Variants in USP34 observed in about 807,000 individuals in gnomAD.
USP34 encodes the protein ubiquitin specific peptidase 34, also known as ubiquitin carboxyl-terminal hydrolase 34.
USP34 carries 70 observed loss-of-function variants against 460.3 expected under a neutral mutation model. That is an observed-to-expected ratio of 0.15 (90% CI 0.13 to 0.19). The LOEUF is 0.19. Among genes scored for constraint, USP34 ranks in the 10% least tolerant of loss-of-function variants. The pLI, the probability that USP34 is intolerant of heterozygous loss-of-function variation, is 1.00. For synonymous variants in USP34, 1,647 were observed against 1,405.3 expected, an observed-to-expected ratio of 1.17 and a Z score of -3.85; for missense variants, 3,985 against 4,236.2, an observed-to-expected ratio of 0.94 and a Z score of 1.65.
chr2:61,264,176 G>C (rs1039338633), intron 43 of USP34, among the ~76,000 whole-genome samples: 3 of 152,148 alleles, frequency 2.0e-5, no homozygotes, highest in Non-Finnish European at 4.4e-5. Context: ...ATAATGTACA[G>C]AGATAAATTT....
At chr2:61,410,400 A>T (rs1573013618) in intron 2 of USP34, among the ~76,000 whole-genome samples, 2 of 152,184 alleles carry the variant, frequency 1.3e-5, no homozygotes, top group South Asian at 4.1e-4. Context: ...GGTGGAGTTC[A>T]GGTGGTAATG....
intron 41 of USP34, among the ~76,000 whole-genome samples, chr2:61,272,764 C>G (rs930212031): frequency 2.0e-5 from 3 of 152,134 alleles, no homozygotes; most frequent in South Asian, 2.1e-4. Flanking sequence ...AAGACCTTTT[C>G]AATAAAGAAT....
chr2:61,463,371 A>C (rs1695663648), intron 1 of USP34, among the ~76,000 whole-genome samples: 1 of 152,278 alleles, frequency 6.6e-6, no homozygotes, highest in East Asian at 1.9e-4. Context: ...AATGAAAAAG[A>C]TTCTTATTCA....
chr2:61,257,445 A>G (rs1688749490), intron 44 of USP34, 95 bp from the exon 45 acceptor site: 1 of 998,266 alleles, frequency 1.0e-6, no homozygotes, highest in Non-Finnish European at 1.4e-6. Flanking sequence ...AAGAACAGGT[A>G]GTAAATCTAC....
At chr2:61,433,868 T>C (rs1694743067) in intron 1 of USP34, among the ~76,000 whole-genome samples, 1 of 152,168 alleles carries the variant, frequency 6.6e-6, no homozygotes, top group African/African-American at 2.4e-5. Flanking sequence ...ACTGCACCTC[T>C]GCAGCACTTC....
chr2:61,402,368 A>G (rs1479947155), intron 3 of USP34, among the ~76,000 whole-genome samples: 2 of 152,178 alleles, frequency 1.3e-5, no homozygotes, highest in Non-Finnish European at 2.9e-5. Flanking sequence ...CTTTTAAAAT[A>G]TCAGCTTTGA....
chr2:61,330,611 A>G (rs565751609), intron 20 of USP34, among the ~76,000 whole-genome samples: 4 of 152,256 alleles, frequency 2.6e-5, no homozygotes, highest in Non-Finnish European at 5.9e-5. Context: ...ATATGCCAGT[A>G]GTGGCATTGA....
At chr2:61,317,876 T>C in intron 22 of USP34, 109 bp from the exon 23 acceptor site, 1 of 719,390 alleles carries the variant, frequency 1.4e-6, no homozygotes, top group East Asian at 2.9e-5. Context: ...AACAGATCAG[T>C]TTGAATTTTT....
At chr2:61,337,323 C>A (rs1691452320) in intron 18 of USP34, among the ~76,000 whole-genome samples, 2 of 151,812 alleles carry the variant, frequency 1.3e-5, no homozygotes, top group South Asian at 4.1e-4. Context: ...CAAGTTGTTC[C>A]ATGTAGTTGT....
chr2:61,243,891 T>G (rs957492574), intron 51 of USP34, among the ~76,000 whole-genome samples: 1 of 151,486 alleles, frequency 6.6e-6, no homozygotes, highest in Non-Finnish European at 1.5e-5. Flanking sequence ...GGAGACATTC[T>G]AGGCATAACA....
chr2:61,190,252 G>T lies in USP34; in HGVS notation c.9873+19C>A. On this transcript the variant is annotated intron_variant, in intron 78 of 79. Coordinates refer to ENST00000398571, the MANE Select transcript of USP34 (RefSeq NM_014709.4). ...GGACAGTTTAAAAGTGTGTGCCGCC[G>T]CCTCTGCATAGTTCTTACCCCATTT... The T allele has an allele frequency of 6.3e-7, 1 of 1,587,640 alleles. No homozygotes were observed. The highest frequency in any genetic ancestry group is 8.5e-7 in the Non-Finnish European group (1 of 1,169,776).
chr2:61,285,078 A>G, intron 34 of USP34, 121 bp from the exon 35 acceptor site: 1 of 643,354 alleles, frequency 1.6e-6, no homozygotes, highest in African/African-American at 1.8e-5. Context: ...AAAATTCCAA[A>G]TTATTTTGAT....
intron 3 of USP34, among the ~76,000 whole-genome samples, chr2:61,401,211 T>A (rs1439970723): frequency 6.6e-6 from 1 of 151,706 alleles, no homozygotes; most frequent in Non-Finnish European, 1.5e-5. Context: ...ATCTGTCTGA[T>A]TATACCATAC....
chr2:61,391,067 C>G (rs550017001), intron 5 of USP34, among the ~76,000 whole-genome samples: 1 of 151,870 alleles, frequency 6.6e-6, no homozygotes, highest in Admixed American at 6.6e-5. Flanking sequence ...TGCACTCCAG[C>G]CTGGTGACAG....
At chr2:61,283,680 G>C (rs1212643039) in intron 35 of USP34, among the ~76,000 whole-genome samples, 1 of 152,052 alleles carries the variant, frequency 6.6e-6, no homozygotes, top group Non-Finnish European at 1.5e-5. Flanking sequence ...GCAGTGGCAT[G>C]ATCATGGCTC....
At chr2:61,350,768 T>G in intron 10 of USP34, 75 bp from the exon 11 acceptor site, 1 of 1,484,044 alleles carries the variant, frequency 6.7e-7, no homozygotes, top group Non-Finnish European at 9.0e-7. Context: ...TAAAAACAGT[T>G]TGAAAGTCAA....
chr2:61,430,874 C>A (rs1694652216), intron 1 of USP34, among the ~76,000 whole-genome samples: 1 of 152,086 alleles, frequency 6.6e-6, no homozygotes, highest in East Asian at 1.9e-4. Context: ...CATGGTAGTG[C>A]AAGCCTGTAA....
chr2:61,383,639 G>C (rs995219876), intron 5 of USP34, among the ~76,000 whole-genome samples: 2 of 152,206 alleles, frequency 1.3e-5, no homozygotes, highest in African/African-American at 4.8e-5. Flanking sequence ...CACCCCCGGG[G>C]GGGGCGGGGG....
chr2:61,411,644 G>A (rs1430267815), intron 2 of USP34, among the ~76,000 whole-genome samples: 1 of 151,938 alleles, frequency 6.6e-6, no homozygotes, highest in African/African-American at 2.4e-5. Context: ...CATGATTTCT[G>A]TCCTTCTAGA....
Sources: gnomAD v4.1 joint callset for allele counts (sites outside exome capture counted in the v4.1 genomes callset) on GRCh38, gnomAD v4.1.1 for gene constraint, MANE v1.5 for transcripts, NCBI Gene and HGNC (gene_info 2026-07-23, HGNC 2026-07-21) for gene names.